PIK3CA: variants seen among roughly 807,000 people sequenced by gnomAD.
PIK3CA encodes phosphatidylinositol-4,5-bisphosphate 3-kinase catalytic subunit alpha.
A neutral mutation model predicts 138.2 loss-of-function variants in PIK3CA; 27 were observed. The ratio of observed to expected loss-of-function variants is 0.20; its 90% CI spans 0.14 to 0.27. PIK3CA has a LOEUF of 0.27. Ranked by LOEUF, PIK3CA falls within the 10% of genes least tolerant of loss-of-function variation. The probability of loss-of-function intolerance (pLI) is 1.00; values close to 1 mark genes in which losing one functional copy is unlikely to be tolerated. For synonymous variants in PIK3CA, 358 were observed against 413.2 expected, an observed-to-expected ratio of 0.87 and a Z score of 1.62; for missense variants, 544 against 1,277.4, an observed-to-expected ratio of 0.43 and a Z score of 8.75.
intron 1 of PIK3CA, among the ~76,000 whole-genome samples, chr3:179,170,071 C>CACGT (rs1553815540): frequency 1.2e-4 from 10 of 85,040 alleles, no homozygotes; most frequent in Middle Eastern, 5.0e-3. Context: ...TGCACACGCG[C>CACGT]GCGCGCACAC....
At chr3:179,197,387 C>T (rs143749962) in intron 1 of PIK3CA, among the ~76,000 whole-genome samples, 14 of 152,278 alleles carry the variant, frequency 9.2e-5, no homozygotes, top group Non-Finnish European at 1.0e-4. Context: ...GAAACCATCC[C>T]ACCCCAAACT....
chr3:179,190,565 G>C (rs531725509), intron 1 of PIK3CA, among the ~76,000 whole-genome samples: 1 of 152,232 alleles, frequency 6.6e-6, no homozygotes, highest in Non-Finnish European at 1.5e-5. Flanking sequence ...CAAATGTAGA[G>C]GGAAGTTTTG....
At chr3:179,149,152 A>T (rs972054358) in intron 1 of PIK3CA, among the ~76,000 whole-genome samples, 3 of 151,596 alleles carry the variant, frequency 2.0e-5, no homozygotes, top group Non-Finnish European at 4.4e-5. Context: ...CGCTCCCCTC[A>T]CCCCCGCCAG....
Position 179,219,169 on chromosome 3 carries a change from T to A in PIK3CA, c.1665-27T>A, listed in dbSNP as rs753541994. ...CTTTTGAACAGCATGCAAGAATGTT[T>A]ATGTTTATTTTGTTTCTCCCACACA... On this transcript the variant is annotated intron_variant, in intron 10 of 20. Coordinates refer to ENST00000263967, the MANE Select transcript of PIK3CA (RefSeq NM_006218.4). The surrounding 1 kb of genome is among the most constrained non-coding windows in gnomAD (Gnocchi z 4.2). 6.5e-6 allele frequency: 9 copies of A among 1,374,698 alleles called. No homozygotes were observed. The highest frequency in any genetic ancestry group is 9.3e-6 in the Non-Finnish European group (9 of 964,748). The allele number at this position is 1,374,698 out of a possible 1,614,324, so 85.2% of individuals were successfully genotyped here.
At chr3:179,157,624 TCTAAAA>T (rs1353330332) in intron 1 of PIK3CA, among the ~76,000 whole-genome samples, 1 of 152,120 alleles carries the variant, frequency 6.6e-6, no homozygotes, top group Non-Finnish European at 1.5e-5. Flanking sequence ...GTTTGTTTAC[TCTAAAA>T]CTAATTTTTT....
At chr3:179,203,836 A>G (rs200974059) in intron 5 of PIK3CA, 47 bp downstream of exon 5, 70 of 1,420,638 alleles carry the variant, frequency 4.9e-5, no homozygotes, top group Non-Finnish European at 6.5e-5. Flanking sequence ...ATTATTTTAG[A>G]TAACCTTTTT....
At chr3:179,194,218 A>T (rs1026508619) in intron 1 of PIK3CA, among the ~76,000 whole-genome samples, 3 of 152,110 alleles carry the variant, frequency 2.0e-5, no homozygotes, top group African/African-American at 4.8e-5. Context: ...ACTTCAGAGA[A>T]TTTATTTTAT....
At chr3:179,153,010 A>C (rs1473319333) in intron 1 of PIK3CA, among the ~76,000 whole-genome samples, 2 of 152,202 alleles carry the variant, frequency 1.3e-5, no homozygotes, top group African/African-American at 4.8e-5. Context: ...TTCTAAAAAA[A>C]GGAAACAAAA....
chr3:179,215,236 G>T (rs1033698836), intron 9 of PIK3CA, among the ~76,000 whole-genome samples: 5 of 152,056 alleles, frequency 3.3e-5, no homozygotes, highest in Non-Finnish European at 5.9e-5. Context: ...ATATTTTTCT[G>T]CATTTAAAAG....
At position 179,234,069 on chromosome 3, in the gene PIK3CA, A is replaced by C; in HGVS notation, c.2937-25A>C. On this transcript the variant is annotated intron_variant, in intron 20 of 20. Transcript: ENST00000263967. This position sits in a 1 kb window ranked among gnomAD's most constrained non-coding sequence, Gnocchi z 5.1. ...TATTAACATCATTTGCTCCAAACTG[A>C]CCAAACTGTTCTTATTACTTATAGG... 6.4e-7 allele frequency: 1 copy of C among 1,568,124 alleles called. No individual in the cohort carries two copies.
At chr3:179,202,310 T>G (rs1213065218) in intron 4 of PIK3CA, among the ~76,000 whole-genome samples, 1 of 152,124 alleles carries the variant, frequency 6.6e-6, no homozygotes, top group African/African-American at 2.4e-5. Flanking sequence ...GCACAAACAA[T>G]CCTCCTGCCT....
At chr3:179,199,992 CTAGA>C in intron 3 of PIK3CA, 93 bp downstream of exon 3, 2 of 726,092 alleles carry the variant, frequency 2.8e-6, no homozygotes, top group South Asian at 4.0e-5. Flanking sequence ...TTTTTTCCAG[CTAGA>C]TAGTAAGCTT....
At chr3:179,221,398 T>A (rs1724963218) in intron 14 of PIK3CA, among the ~76,000 whole-genome samples, 1 of 152,206 alleles carries the variant, frequency 6.6e-6, no homozygotes, top group African/African-American at 2.4e-5. Context: ...AGAATTAAAT[T>A]ACACGAGATA....
intron 9 of PIK3CA, among the ~76,000 whole-genome samples, chr3:179,216,907 GA>G (rs1724848361): frequency 6.6e-6 from 1 of 151,828 alleles, no homozygotes. Flanking sequence ...TGGACTACTG[GA>G]ATAACCTCTC....
chr3:179,185,148 G>A (rs1723944477), intron 1 of PIK3CA, among the ~76,000 whole-genome samples: 1 of 152,102 alleles, frequency 6.6e-6, no homozygotes, highest in Non-Finnish European at 1.5e-5. Context: ...CCACAGAAAG[G>A]CCTATTAAGT....
At chr3:179,175,363 G>A (rs1431812131) in intron 1 of PIK3CA, among the ~76,000 whole-genome samples, 1 of 152,112 alleles carries the variant, frequency 6.6e-6, no homozygotes, top group Non-Finnish European at 1.5e-5. Context: ...GTGCCACTCT[G>A]TTTCCTGATT....
At chr3:179,206,244 AG>A (rs1270307914) in intron 6 of PIK3CA, among the ~76,000 whole-genome samples, 3 of 151,920 alleles carry the variant, frequency 2.0e-5, no homozygotes, top group East Asian at 1.9e-4. Flanking sequence ...TTTTCAGTAG[AG>A]GGGGGTTTCA....
chr3:179,224,338 A>G (rs867967610), intron 15 of PIK3CA, 151 bp downstream of exon 15: 16 of 543,250 alleles, frequency 2.9e-5, no homozygotes, highest in Middle Eastern at 9.7e-4. Flanking sequence ...AGAGTAGTAT[A>G]TCTTAAGTTC....
chr3:179,156,806 T>C (rs1312023762), intron 1 of PIK3CA, among the ~76,000 whole-genome samples: 1 of 152,174 alleles, frequency 6.6e-6, no homozygotes, highest in Non-Finnish European at 1.5e-5. Context: ...TCTTTGAGAG[T>C]TCTTGCTTTT....
Sources: gnomAD v4.1 joint callset for allele counts (sites outside exome capture counted in the v4.1 genomes callset) on GRCh38, gnomAD v4.1.1 for gene constraint, Gnocchi (gnomAD v3.1) non-coding constraint, MANE v1.5 for transcripts, NCBI Gene and HGNC (gene_info 2026-07-23, HGNC 2026-07-21) for gene names.